Variants in SEC14L5 observed in about 807,000 individuals in gnomAD.
SEC14L5 encodes the protein SEC14-like protein 5.
In SEC14L5, 96 loss-of-function variants were observed where a neutral mutation model predicts 84.6. The observed-to-expected ratio is 1.13, with a 90% confidence interval of 0.96 to 1.34. The LOEUF (loss-of-function observed/expected upper bound fraction) is 1.34. Ranked by LOEUF, SEC14L5 falls within the 40% of genes most tolerant of loss-of-function variation. The pLI is 0.00. For synonymous variants in SEC14L5, 546 were observed against 383.4 expected, an observed-to-expected ratio of 1.42 and a Z score of -4.95; for missense variants, 1,224 against 942.5, an observed-to-expected ratio of 1.30 and a Z score of -3.91.
chr16:4,969,931 C>T (rs1035070574), intron 2 of SEC14L5, among the ~76,000 whole-genome samples: 2 of 151,952 alleles, frequency 1.3e-5, no homozygotes, highest in Admixed American at 6.6e-5. Context: ...GATTGTCCCA[C>T]CTCAGCCTCC....
At chr16:4,985,850 G>A (rs1043905185) in intron 2 of SEC14L5, among the ~76,000 whole-genome samples, 3 of 151,284 alleles carry the variant, frequency 2.0e-5, no homozygotes, top group Non-Finnish European at 4.4e-5. Flanking sequence ...AGATAGATAT[G>A]TGCACAGTCT....
At position 4,998,088 on chromosome 16, in the gene SEC14L5, C is replaced by T. The variant is rs933680415; in HGVS notation, c.970+1044C>T. 2.1e-4 allele frequency among the ~76,000 whole-genome samples: 31 copies of T among 150,152 alleles called. 1 individual carries two copies. The highest frequency in any genetic ancestry group is 1.9e-3 in the Admixed American group (28 of 14,964). On this transcript the variant is annotated intron_variant, in intron 8 of 15. Coordinates refer to ENST00000251170, the MANE Select transcript of SEC14L5 (RefSeq NM_014692.2). ...GTGTGATCTCAGCTCACTGCAACTC[C>T]GCCCCCCGCCAGGTTCAAGCGATTC... is the stretch of plus-strand genomic sequence containing the variant.
At chr16:4,959,563 C>T (rs150429283) in intron 2 of SEC14L5, among the ~76,000 whole-genome samples, 177 bp downstream of exon 2, 1 of 152,142 alleles carries the variant, frequency 6.6e-6, no homozygotes, top group Non-Finnish European at 1.5e-5. Context: ...ACCATCCTAT[C>T]CTCGGCCCAG....
chr16:4,999,381 G>C (rs1955650789), intron 8 of SEC14L5, among the ~76,000 whole-genome samples: 1 of 152,210 alleles, frequency 6.6e-6, no homozygotes, highest in African/African-American at 2.4e-5. Flanking sequence ...AAAGCTGGAG[G>C]ATCGCTTAAG....
chr16:4,964,850 C>T (rs1463340161), intron 2 of SEC14L5, among the ~76,000 whole-genome samples: 1 of 152,036 alleles, frequency 6.6e-6, no homozygotes, highest in African/African-American at 2.4e-5. Context: ...CCTGTCTCAC[C>T]CTCCTGAGTA....
chr16:5,017,714 C>T lies in SEC14L5; in HGVS notation c.*2744C>T, dbSNP rs922373026. 6.6e-6 allele frequency: 1 copy of T among 152,192 alleles called. No individual in the cohort carries two copies. The highest frequency in any genetic ancestry group is 2.1e-4 in the South Asian group (1 of 4,828). The allele number at this position is 152,192 out of a possible 1,614,324, so 9.4% of individuals were successfully genotyped here. On this transcript the variant is annotated 3_prime_UTR_variant, in exon 16 of 16. Coordinates refer to ENST00000251170, the MANE Select transcript of SEC14L5 (RefSeq NM_014692.2). The stretch of plus-strand genomic sequence containing the variant: ...GGACAAGAGAAGCTGGACCACAGAA[C>T]CAGCAGGTATCCATGGTGGCATCTG...
intron 14 of SEC14L5, among the ~76,000 whole-genome samples, chr16:5,010,223 G>C (rs190682976): frequency 6.8e-6 from 1 of 147,074 alleles, no homozygotes; most frequent in Non-Finnish European, 1.5e-5. Context: ...AAAAAGCGAG[G>C]TGTGGTGGCG....
chr16:4,964,191 C>T (rs183415263), intron 2 of SEC14L5, among the ~76,000 whole-genome samples: 1 of 152,258 alleles, frequency 6.6e-6, no homozygotes, highest in Admixed American at 6.5e-5. Flanking sequence ...GCATAGAGGA[C>T]ACAAAGGCCA....
intron 2 of SEC14L5, among the ~76,000 whole-genome samples, chr16:4,962,852 C>G (rs530995791): frequency 2.0e-5 from 3 of 152,154 alleles, no homozygotes; most frequent in Non-Finnish European, 2.9e-5. Context: ...GCCACTTTGC[C>G]GACTGTTTAC....
Position 5,008,701 on chromosome 16 carries a change from C to T in SEC14L5, c.1800+53C>T, listed in dbSNP as rs1007068057. ...CTCACCAAGCAGCACTGAGTGTCCACTGCGTGCCAGGCTTCTGGGGATACA... is the reference window on the plus strand; with the variant it reads ...CTCACCAAGCAGCACTGAGTGTCCATTGCGTGCCAGGCTTCTGGGGATACA... On this transcript the variant is annotated intron_variant, in intron 14 of 15. Transcript: ENST00000251170. 6.1e-6 allele frequency: 9 copies of T among 1,484,888 alleles called. No individual in the cohort carries two copies. In the African/African-American group the frequency reaches 8.4e-5, roughly 14 times the overall value. 92.0% of individuals were successfully genotyped at this position (1,484,888 alleles called of 1,614,324 possible). A position where few individuals can be genotyped will look rare whatever the true frequency, so the allele number is the denominator to read the frequency against.
chr16:4,995,565 T>G (rs1394153100), intron 6 of SEC14L5, among the ~76,000 whole-genome samples: 1 of 152,044 alleles, frequency 6.6e-6, no homozygotes, highest in Non-Finnish European at 1.5e-5. Flanking sequence ...ACAACATGCA[T>G]TTACTCATTC....
chr16:4,975,463 A>G (rs1366331624), intron 2 of SEC14L5, among the ~76,000 whole-genome samples: 2 of 100,318 alleles, frequency 2.0e-5, no homozygotes, highest in Admixed American at 1.4e-4. Flanking sequence ...ACAGAGCGAA[A>G]CTCCATCTCA....
Position 4,968,583 on chromosome 16 carries a change from C to T in SEC14L5, c.63+9197C>T, listed in dbSNP as rs576245546. Among the ~76,000 whole-genome samples the T allele has an allele frequency of 2.6e-5, 4 of 152,348 alleles. No homozygotes were observed. The South Asian group carries it at 6.2e-4, about 24-fold the overall frequency. ...CTCAAGCCATCCTCCTGTGGTCTCC[C>T]AAAGTGCTGGGATCACAGATGTGAG... On this transcript the variant is annotated intron_variant, in intron 2 of 15. Coordinates refer to ENST00000251170, the MANE Select transcript of SEC14L5 (RefSeq NM_014692.2).
intron 2 of SEC14L5, among the ~76,000 whole-genome samples, chr16:4,967,597 G>A (rs1214721848): frequency 2.0e-5 from 2 of 99,846 alleles, no homozygotes; most frequent in East Asian, 6.4e-4. Flanking sequence ...TTTTTTGACA[G>A]AGTGTTGCTC....
chr16:5,011,975 C>G (rs944954259), intron 15 of SEC14L5, among the ~76,000 whole-genome samples: 1 of 152,222 alleles, frequency 6.6e-6, no homozygotes, highest in African/African-American at 2.4e-5. Context: ...CATGATGGAT[C>G]TGCACTGGTT....
At position 5,011,138 on chromosome 16, in the gene SEC14L5, GGCAAATGCACAGCCCCCCCAGCA is replaced by G; in HGVS notation, c.1847_1869del (p.Gln616ArgfsTer29). The G allele has an allele frequency of 6.2e-7, 1 of 1,611,654 alleles. No individual in the cohort carries two copies. Among genetic ancestry groups the G allele is most frequent in the Non-Finnish European group, 8.5e-7 (1 of 1,179,024 alleles). On this transcript the variant is annotated frameshift_variant, in exon 15 of 16. Transcript: ENST00000251170. LOFTEE classifies it high-confidence loss of function. ...TGGCCCGGCGTCTACCTGCTCCAGT[GGCAAATGCACAGCCCCCCCAGCA>G]GCGTGGCCTGCAGCCTCCCGGGTGT...
At chr16:4,980,622 C>T (rs1955411270) in intron 2 of SEC14L5, among the ~76,000 whole-genome samples, 1 of 152,128 alleles carries the variant, frequency 6.6e-6, no homozygotes, top group African/African-American at 2.4e-5. Flanking sequence ...CCAAGCCCGG[C>T]ACAGGTATGA....
chr16:5,001,666 C>A (rs1955679659), intron 10 of SEC14L5, among the ~76,000 whole-genome samples: 1 of 152,176 alleles, frequency 6.6e-6, no homozygotes, highest in African/African-American at 2.4e-5. Context: ...TCCTCTGACT[C>A]CCCCGCATTT....
At chr16:4,991,297 A>T (rs1175314723) in intron 5 of SEC14L5, among the ~76,000 whole-genome samples, 1 of 151,846 alleles carries the variant, frequency 6.6e-6, no homozygotes, top group Non-Finnish European at 1.5e-5. Flanking sequence ...TTTTTAAACA[A>T]TGTGTTATCA....
Sources: allele counts gnomAD v4.1 joint callset (sites outside exome capture counted in the v4.1 genomes callset), GRCh38; gene constraint gnomAD v4.1.1; transcripts MANE v1.5; gene names NCBI Gene and HGNC (gene_info 2026-07-23, HGNC 2026-07-21).